Variants in WDR70 observed in about 807,000 individuals in gnomAD.
WDR70 encodes the protein WD repeat-containing protein 70.
Under a neutral mutation model 88.6 loss-of-function variants are expected in WDR70, and 53 were observed. The ratio of observed to expected loss-of-function variants is 0.60; its 90% CI spans 0.48 to 0.75. The LOEUF (loss-of-function observed/expected upper bound fraction) is 0.75. WDR70 is among the 30% of genes least tolerant of loss of function. The pLI is 0.00. For missense variants in WDR70, 610 were observed against 823.2 expected (o/e 0.74, Z 3.17); for synonymous variants, 280 against 270.0 (o/e 1.04, Z -0.36).
At chr5:37,537,191 C>T (rs950529320) in intron 9 of WDR70, among the ~76,000 whole-genome samples, 42 of 152,060 alleles carry the variant, frequency 2.8e-4, no homozygotes, top group Admixed American at 2.3e-3. Flanking sequence ...TAAGCGGAAG[C>T]AGTTGGGAAG....
chr5:37,487,719 G>C (rs1227333460), intron 8 of WDR70, among the ~76,000 whole-genome samples: 7 of 149,270 alleles, frequency 4.7e-5, no homozygotes. Context: ...TCCTCCTCCC[G>C]GGTACAAGTG....
At chr5:37,679,257 T>C (rs1746344346) in intron 10 of WDR70, among the ~76,000 whole-genome samples, 1 of 152,224 alleles carries the variant, frequency 6.6e-6, no homozygotes, top group Non-Finnish European at 1.5e-5. Flanking sequence ...CCGTCCAGCT[T>C]TGTTCCATTG....
chr5:37,514,332 A>G (rs532971313), intron 8 of WDR70, among the ~76,000 whole-genome samples: 2 of 118,584 alleles, frequency 1.7e-5, no homozygotes, highest in South Asian at 6.1e-4. Flanking sequence ...TGGCATATTT[A>G]GAACTACATA....
intron 7 of WDR70, among the ~76,000 whole-genome samples, chr5:37,478,925 G>A (rs998065554): frequency 6.6e-6 from 1 of 152,180 alleles, no homozygotes; most frequent in Admixed American, 6.5e-5. Flanking sequence ...ATCAGTTTTA[G>A]TGGAATGGTG....
intron 10 of WDR70, among the ~76,000 whole-genome samples, chr5:37,657,260 A>T (rs897615167): frequency 2.0e-5 from 3 of 151,962 alleles, no homozygotes; most frequent in Admixed American, 2.0e-4. Context: ...TAGTTTCCTG[A>T]TCCCTTGTGC....
At chr5:37,678,991 A>G in intron 10 of WDR70, among the ~76,000 whole-genome samples, 1 of 151,614 alleles carries the variant, frequency 6.6e-6, no homozygotes. Flanking sequence ...TTCATCTTCC[A>G]TCACTGATAC....
intron 7 of WDR70, among the ~76,000 whole-genome samples, chr5:37,447,634 G>T (rs1372176844): frequency 6.6e-6 from 1 of 152,206 alleles, no homozygotes; most frequent in Non-Finnish European, 1.5e-5. Flanking sequence ...CATGTCATTT[G>T]TAGGGACATG....
chr5:37,628,392 C>T (rs1404009956), intron 10 of WDR70, among the ~76,000 whole-genome samples: 3 of 152,176 alleles, frequency 2.0e-5, no homozygotes, highest in Admixed American at 2.0e-4. Context: ...TATCTGGGTG[C>T]TCCTGTGTTG....
chr5:37,645,339 T>C (rs986613136), intron 10 of WDR70, among the ~76,000 whole-genome samples: 8 of 152,132 alleles, frequency 5.3e-5, no homozygotes, highest in Non-Finnish European at 1.2e-4. Flanking sequence ...TATTCCATTG[T>C]GGTCAGAGAA....
At chr5:37,502,709 A>G (rs963189595) in intron 8 of WDR70, among the ~76,000 whole-genome samples, 4 of 152,230 alleles carry the variant, frequency 2.6e-5, no homozygotes, top group Admixed American at 2.0e-4. Context: ...TACAGGAAGC[A>G]TGGCACCAGC....
intron 10 of WDR70, among the ~76,000 whole-genome samples, chr5:37,622,789 T>C (rs890631001): frequency 6.6e-6 from 1 of 151,948 alleles, no homozygotes; most frequent in South Asian, 2.1e-4. Context: ...ATACCTAATG[T>C]TAAATGACGA....
intron 10 of WDR70, among the ~76,000 whole-genome samples, chr5:37,677,108 A>T (rs1351652830): frequency 6.6e-6 from 1 of 151,784 alleles, no homozygotes; most frequent in South Asian, 2.1e-4. Flanking sequence ...TATTGCATCT[A>T]TTTGATTCTT....
rs1332241903 is a variant in WDR70 at position 37,440,351 on chromosome 5, A to G, written c.552+2370A>G. Among the ~76,000 whole-genome samples the G allele has an allele frequency of 1.3e-4, 19 of 151,146 alleles. No individual in the cohort carries two copies. In the East Asian group the frequency reaches 3.7e-3, roughly 29 times the overall value. On this transcript the variant is annotated intron_variant, in intron 6 of 17. Coordinates refer to ENST00000265107, the MANE Select transcript of WDR70 (RefSeq NM_018034.4). ...GCTCATTCTCAAGTTGGAACAAGAC[A>G]CTTTTTTTTTTTGAGACAAAGTCTT...
intron 10 of WDR70, among the ~76,000 whole-genome samples, chr5:37,671,177 A>G (rs1380329739): frequency 6.6e-6 from 1 of 152,218 alleles, no homozygotes; most frequent in African/African-American, 2.4e-5. Context: ...AAACAATTCT[A>G]TTGAGAGGTC....
intron 10 of WDR70, among the ~76,000 whole-genome samples, chr5:37,674,567 CT>C (rs1359512802): frequency 5.3e-5 from 8 of 152,092 alleles, no homozygotes; most frequent in Non-Finnish European, 1.0e-4. Context: ...TGACCTCACC[CT>C]TTTTTATGGC....
chr5:37,634,129 C>T (rs759513771), intron 10 of WDR70, among the ~76,000 whole-genome samples: 6 of 151,822 alleles, frequency 4.0e-5, no homozygotes, highest in Non-Finnish European at 5.9e-5. Flanking sequence ...GAAACCCCAT[C>T]TCTACTAAAA....
chr5:37,466,304 G>A (rs1739147643), intron 7 of WDR70, among the ~76,000 whole-genome samples: 1 of 152,158 alleles, frequency 6.6e-6, no homozygotes, highest in African/African-American at 2.4e-5. Flanking sequence ...GGCAGTAAGA[G>A]TCTTCTGTTT....
chr5:37,590,530 T>C (rs536032101), intron 9 of WDR70, among the ~76,000 whole-genome samples: 1 of 152,320 alleles, frequency 6.6e-6, no homozygotes, highest in East Asian at 1.9e-4. Flanking sequence ...AAAAAGTCTT[T>C]GCAAATTTAA....
At chr5:37,502,232 C>A (rs1039250473) in intron 8 of WDR70, among the ~76,000 whole-genome samples, 21 of 151,716 alleles carry the variant, frequency 1.4e-4, no homozygotes, top group Non-Finnish European at 2.5e-4. Context: ...AGAATCAGAT[C>A]TTAATTTGAT....
Sources: allele counts gnomAD v4.1 joint callset (sites outside exome capture counted in the v4.1 genomes callset), GRCh38; gene constraint gnomAD v4.1.1; transcripts MANE v1.5; gene names NCBI Gene and HGNC (gene_info 2026-07-23, HGNC 2026-07-21).